RNF144B: variants seen among roughly 807,000 people sequenced by gnomAD.
RNF144B encodes ring finger protein 144B, also known as E3 ubiquitin-protein ligase RNF144B.
In RNF144B, 25 loss-of-function variants were observed where a neutral mutation model predicts 40.2. The observed-to-expected ratio is 0.62, with a 90% CI of 0.45 to 0.87. The LOEUF (loss-of-function observed/expected upper bound fraction) is 0.87, where lower values mean the gene tolerates loss of function less well. RNF144B is among the 40% of genes least tolerant of loss of function. RNF144B has a pLI of 0.00. For synonymous variants in RNF144B, 145 were observed against 136.3 expected, an observed-to-expected ratio of 1.06 and a Z score of -0.44; for missense variants, 365 against 373.7, an observed-to-expected ratio of 0.98 and a Z score of 0.19.
intron 1 of RNF144B, among the ~76,000 whole-genome samples, chr6:18,393,913 G>C (rs1189881809): frequency 6.6e-6 from 1 of 152,112 alleles, no homozygotes; most frequent in Non-Finnish European, 1.5e-5. Context: ...AACACATTGA[G>C]AGTATACATA....
intron 1 of RNF144B, 141 bp downstream of exon 1, chr6:18,387,771 C>G: frequency 1.9e-6 from 1 of 533,304 alleles, no homozygotes; most frequent in Non-Finnish European, 2.9e-6. Context: ...CCATACAGAA[C>G]TGAATTCATT....
chr6:18,461,756 C>T (rs1191698359), intron 6 of RNF144B, among the ~76,000 whole-genome samples: 3 of 152,128 alleles, frequency 2.0e-5, no homozygotes, highest in Admixed American at 6.6e-5. Context: ...TTTTTCTCTA[C>T]GCAAGTGGAG....
At position 18,467,653 on chromosome 6, in the gene RNF144B, AT is replaced by A. The variant is rs953613055; in HGVS notation, c.*2592del. ...GAGCTGGCGACTTATTTTTATTTTT[AT>A]TTTTTGGACAGAGTCTCCCTTTGTC... is the stretch of plus-strand genomic sequence containing the variant. On this transcript the variant is annotated 3_prime_UTR_variant, in exon 8 of 8. Coordinates refer to ENST00000259939, the MANE Select transcript of RNF144B (RefSeq NM_182757.4). 1 of 150,008 alleles carries A rather than the reference AT, an allele frequency of 6.7e-6. No individual in the cohort carries two copies. Among genetic ancestry groups the A allele is most frequent in the African/African-American group, 2.4e-5 (1 of 40,932 alleles). 9.3% of individuals were successfully genotyped at this position (150,008 alleles called of 1,614,324 possible).
chr6:18,401,108 T>C (rs1302824804), intron 2 of RNF144B, among the ~76,000 whole-genome samples: 1 of 151,536 alleles, frequency 6.6e-6, no homozygotes, highest in East Asian at 1.9e-4. Flanking sequence ...AAAATCAGTA[T>C]GCAAATATTT....
chr6:18,430,931 C>G (rs1007075053), intron 3 of RNF144B, among the ~76,000 whole-genome samples: 1 of 152,018 alleles, frequency 6.6e-6, no homozygotes, highest in African/African-American at 2.4e-5. Flanking sequence ...CCAGACAAAC[C>G]CATAATGAGT....
chr6:18,439,874 T>C, intron 4 of RNF144B, 130 bp downstream of exon 4: 1 of 536,974 alleles, frequency 1.9e-6, no homozygotes, highest in Non-Finnish European at 3.4e-6. Context: ...AAAAGGAGAA[T>C]ACTGTAATTG....
In RNF144B at chr6:18,432,404, G is replaced by T. The variant is rs574434434; in HGVS notation, c.270+4719G>T. On this transcript the variant is annotated intron_variant, in intron 3 of 7. Transcript: ENST00000259939. The stretch of plus-strand genomic sequence containing the variant: ...TAGAGGTGAACACACTAGGAGCCAG[G>T]GAAAAGTAAAACTTTCCTCTATTGC... Among the ~76,000 whole-genome samples the T allele has an allele frequency of 3.3e-5, 5 of 152,260 alleles. No individual in the cohort carries two copies. In the East Asian group the frequency reaches 9.7e-4, roughly 29 times the overall value.
At chr6:18,413,415 G>A (rs1795085946) in intron 2 of RNF144B, among the ~76,000 whole-genome samples, 1 of 152,002 alleles carries the variant, frequency 6.6e-6, no homozygotes, top group Non-Finnish European at 1.5e-5. Context: ...AGAACAGAAA[G>A]TATGTAATCA....
rs1366516777 is a variant in RNF144B, at chr6:18,425,264, CT to C, written c.166-2316del. On this transcript the variant is annotated intron_variant, in intron 2 of 7. Coordinates refer to ENST00000259939, the MANE Select transcript of RNF144B (RefSeq NM_182757.4). The surrounding 1 kb of genome is among the most constrained non-coding windows in gnomAD (Gnocchi z 4.2). ...TTCCTCAAACACCTTCCCCTTGAGC[CT>C]GGAGACTATATCTTTCAGTCTTTTT... is the stretch of plus-strand genomic sequence containing the variant. Among the ~76,000 whole-genome samples, 2 of 152,170 alleles carry C rather than the reference CT, an allele frequency of 1.3e-5. No homozygotes were observed. Among genetic ancestry groups the C allele is most frequent in the Non-Finnish European group, 2.9e-5 (2 of 68,024 alleles).
Position 18,412,517 on chromosome 6 carries a change from A to G in RNF144B, c.165+12818A>G, listed in dbSNP as rs1232744033. Among the ~76,000 whole-genome samples the G allele has an allele frequency of 2.0e-5, 3 of 151,826 alleles. No homozygotes were observed. Among genetic ancestry groups the G allele is most frequent in the Non-Finnish European group, 2.9e-5 (2 of 67,986 alleles). On this transcript the variant is annotated intron_variant, in intron 2 of 7. Coordinates refer to ENST00000259939, the MANE Select transcript of RNF144B (RefSeq NM_182757.4). The surrounding 1 kb of genome is among the most constrained non-coding windows in gnomAD (Gnocchi z 4.2). The stretch of plus-strand genomic sequence containing the variant: ...TACACATAGAAGACATGAATGAATG[A>G]AAAAATGGTGGTGTTCAGACTGAGG...
At position 18,467,409 on chromosome 6, in the gene RNF144B, T is replaced by TTTTTG. The variant is rs1759596060; in HGVS notation, c.*2346_*2347insGTTTT. On this transcript the variant is annotated 3_prime_UTR_variant, in exon 8 of 8. Transcript: ENST00000259939. The stretch of plus-strand genomic sequence containing the variant: ...TGAATTAGCTGCTTTTGTTTTTTTT[T>TTTTTG]TTTTTTTTTTGCCAGGGCTATGGAG... The TTTTTG allele has an allele frequency of 1.0e-5, 1 of 96,578 alleles. No individual in the cohort carries two copies. Among genetic ancestry groups the TTTTTG allele is most frequent in the Non-Finnish European group, 2.9e-5 (1 of 34,936 alleles). The allele number at this position is 96,578 out of a possible 1,614,324, so 6.0% of individuals were successfully genotyped here.
At chr6:18,426,650 T>G (rs1385032257) in intron 2 of RNF144B, among the ~76,000 whole-genome samples, 1 of 151,936 alleles carries the variant, frequency 6.6e-6, no homozygotes, top group African/African-American at 2.4e-5. Flanking sequence ...TCTCTGGGCT[T>G]CTTTTTTTCT....
chr6:18,452,502 A>T (rs959413530), intron 4 of RNF144B, among the ~76,000 whole-genome samples: 2 of 152,204 alleles, frequency 1.3e-5, no homozygotes, highest in Admixed American at 1.3e-4. Flanking sequence ...GGAAATTTGA[A>T]TGTGTTTCAG....
rs1448491915 is a variant in RNF144B, at chr6:18,457,182, G to A, written c.359G>A (p.Trp120Ter). Residue 120 changes from tryptophan to a stop codon, truncating the protein, a stop_gained, in exon 5 of 8, where the codon TGG (tryptophan) becomes TAG (stop). Transcript: ENST00000259939. LOFTEE classifies it high-confidence loss of function. This position sits in a 1 kb window ranked among gnomAD's most constrained non-coding sequence, Gnocchi z 5.1. ...GTTCATCTGGACCCCTACCGAACAT[G>A]GTGTCCTGTTGCAGACTGTCAGACA... ...REVHLDPYRT[W>*]CPVADCQTVC... The A allele has an allele frequency of 1.2e-6, 2 of 1,613,922 alleles. No homozygotes were observed. Among genetic ancestry groups the A allele is most frequent in the Non-Finnish European group, 1.7e-6 (2 of 1,179,940 alleles).
chr6:18,457,249 G>A lies in RNF144B; in HGVS notation c.426G>A (p.Leu142=), dbSNP rs147356549. Residue 142 remains leucine (L), a synonymous_variant, in exon 5 of 8, where the codon CTG becomes CTA. Transcript: ENST00000259939. This position sits in a 1 kb window ranked among gnomAD's most constrained non-coding sequence, Gnocchi z 5.1. ...CGAGTGACCCAGGACAGCCTGTGCTGGTGGAATGCCCTTCTTGCCACCTGA... is the reference window on the plus strand; with the variant it reads ...CGAGTGACCCAGGACAGCCTGTGCTAGTGGAATGCCCTTCTTGCCACCTGA... ...VASSDPGQPV[L]VECPSCHLKF... is the part of the protein sequence containing the mutation. 4 of 1,614,116 alleles carry A rather than the reference G, an allele frequency of 2.5e-6. No individual in the cohort carries two copies. The Admixed American group carries it at 5.0e-5, about 20-fold the overall frequency.
rs1306363911 is a variant in RNF144B, at chr6:18,412,072, A to C, written c.165+12373A>C. 6.6e-6 allele frequency among the ~76,000 whole-genome samples: 1 copy of C among 152,080 alleles called. No individual in the cohort carries two copies. Among genetic ancestry groups the C allele is most frequent in the South Asian group, 2.1e-4 (1 of 4,832 alleles). ...TTGCTATTATGAATACATTTTTTTT[A>C]CTTATATAAATGTGAAAATACCTGT... is the stretch of plus-strand genomic sequence containing the variant. On this transcript the variant is annotated intron_variant, in intron 2 of 7. Transcript: ENST00000259939. The surrounding 1 kb of genome is among the most constrained non-coding windows in gnomAD (Gnocchi z 4.2).
At chr6:18,423,672 A>G (rs1209903369) in intron 2 of RNF144B, among the ~76,000 whole-genome samples, 2 of 152,180 alleles carry the variant, frequency 1.3e-5, no homozygotes, top group Admixed American at 6.5e-5. Flanking sequence ...GGAAGAGACA[A>G]TATGAGTCGT....
At position 18,421,749 on chromosome 6, in the gene RNF144B, T is replaced by C. The variant is rs144098106; in HGVS notation, c.166-5832T>C. The stretch of plus-strand genomic sequence containing the variant: ...CCCAAGAATACACCTTTGCACGCAG[T>C]TTGAAAAATACAGTGCGAGCTGGGC... On this transcript the variant is annotated intron_variant, in intron 2 of 7. Transcript: ENST00000259939. 3.3e-5 allele frequency among the ~76,000 whole-genome samples: 5 copies of C among 152,166 alleles called. No individual in the cohort carries two copies. In the East Asian group the frequency reaches 9.7e-4, roughly 29 times the overall value.
At chr6:18,396,550 G>A in intron 1 of RNF144B, 1 of 985,398 alleles carries the variant, frequency 1.0e-6, no homozygotes, top group Non-Finnish European at 1.2e-6. Context: ...TTGACATTTG[G>A]GGTGTGGGAT....
Sources: allele counts gnomAD v4.1 joint callset (sites outside exome capture counted in the v4.1 genomes callset), GRCh38; gene constraint gnomAD v4.1.1; non-coding constraint Gnocchi (gnomAD v3.1); transcripts MANE v1.5; gene names NCBI Gene and HGNC (gene_info 2026-07-23, HGNC 2026-07-21).